GPR39: variants seen among roughly 807,000 people sequenced by gnomAD.
GPR39 encodes G protein-coupled receptor 39.
GPR39 carries 23 observed loss-of-function variants against 18.4 expected under a neutral mutation model. The observed-to-expected ratio is 1.25, with a 90% CI of 0.90 to 1.77. GPR39 has a LOEUF of 1.77. Ranked by LOEUF, GPR39 falls within the 40% of genes most tolerant of loss-of-function variation. The probability of loss-of-function intolerance (pLI) is 0.00; values close to 1 mark genes in which losing one functional copy is unlikely to be tolerated. For synonymous variants in GPR39, 280 were observed against 257.9 expected (o/e 1.09, Z -0.82); for missense variants, 647 against 602.4 (o/e 1.07, Z -0.78).
chr2:132,467,219 G>T (rs1297352687), intron 1 of GPR39, among the ~76,000 whole-genome samples: 1 of 152,326 alleles, frequency 6.6e-6, no homozygotes, highest in Admixed American at 6.5e-5. Flanking sequence ...GGACCTAGCA[G>T]AGCACTGGCT....
chr2:132,582,772 C>A (rs73955704), intron 1 of GPR39, among the ~76,000 whole-genome samples: 1,986 of 152,270 alleles, frequency 0.013, 50 homozygotes, highest in African/African-American at 0.045. Context: ...TCCTTCCAAC[C>A]CCTTTTTTAC....
chr2:132,547,526 A>G (rs985333387), intron 1 of GPR39, among the ~76,000 whole-genome samples: 2 of 152,204 alleles, frequency 1.3e-5, no homozygotes, highest in African/African-American at 2.4e-5. Context: ...AATTTTCTTT[A>G]ATCTTTCGGC....
intron 1 of GPR39, among the ~76,000 whole-genome samples, chr2:132,462,045 C>G (rs1680842235): frequency 6.6e-6 from 1 of 152,198 alleles, no homozygotes; most frequent in Non-Finnish European, 1.5e-5. Context: ...AAATTCATCT[C>G]CATGACTGTT....
chr2:132,451,094 T>C (rs575284777), intron 1 of GPR39, among the ~76,000 whole-genome samples: 1 of 152,032 alleles, frequency 6.6e-6, no homozygotes, highest in African/African-American at 2.4e-5. Flanking sequence ...TTTTTTAGCA[T>C]GGGGCTGTGG....
Position 132,547,450 on chromosome 2 carries a change from C to T in GPR39, c.857-97651C>T, listed in dbSNP as rs189867601. Among the ~76,000 whole-genome samples the T allele has an allele frequency of 5.2e-4, 79 of 152,268 alleles. 2 individuals are homozygous for T. The East Asian group carries it at 0.013, about 25-fold the overall frequency. On this transcript the variant is annotated intron_variant, in intron 1 of 1. Transcript: ENST00000329321. ...ACACCCACCATTTCCCCAACAGTCACACCTTTTATTTTTCTCAATATACTG... is the reference window on the plus strand; with the variant it reads ...ACACCCACCATTTCCCCAACAGTCATACCTTTTATTTTTCTCAATATACTG...
chr2:132,627,338 T>C (rs1051506647), intron 1 of GPR39, among the ~76,000 whole-genome samples: 1 of 152,190 alleles, frequency 6.6e-6, no homozygotes, highest in Admixed American at 6.6e-5. Context: ...GCATGAAAAC[T>C]GCTGTCTACT....
chr2:132,483,142 A>T (rs1000472720), intron 1 of GPR39, among the ~76,000 whole-genome samples: 17 of 152,182 alleles, frequency 1.1e-4, no homozygotes, highest in Non-Finnish European at 1.6e-4. Context: ...ATACCACCAT[A>T]TAGGGTTGTA....
At chr2:132,619,777 A>G (rs1681401866) in intron 1 of GPR39, among the ~76,000 whole-genome samples, 1 of 151,868 alleles carries the variant, frequency 6.6e-6, no homozygotes, top group Non-Finnish European at 1.5e-5. Flanking sequence ...CTTGGGGCTC[A>G]GCAACCTTTT....
chr2:132,557,807 A>G (rs1398101408), intron 1 of GPR39, among the ~76,000 whole-genome samples: 1 of 152,176 alleles, frequency 6.6e-6, no homozygotes, highest in East Asian at 1.9e-4. Context: ...ACATGAATTT[A>G]CAAGAGGATG....
chr2:132,543,749 G>C (rs1289682173), intron 1 of GPR39, among the ~76,000 whole-genome samples: 1 of 152,100 alleles, frequency 6.6e-6, no homozygotes, highest in East Asian at 1.9e-4. Flanking sequence ...ACTGAACTGG[G>C]GTCTCCTCAC....
At chr2:132,624,254 A>G (rs1160481534) in intron 1 of GPR39, among the ~76,000 whole-genome samples, 1 of 152,034 alleles carries the variant, frequency 6.6e-6, no homozygotes, top group Non-Finnish European at 1.5e-5. Flanking sequence ...TCTGTGTCCA[A>G]ATTTCCTCTT....
At chr2:132,447,585 G>T (rs1376671173) in intron 1 of GPR39, among the ~76,000 whole-genome samples, 1 of 152,124 alleles carries the variant, frequency 6.6e-6, no homozygotes, top group Non-Finnish European at 1.5e-5. Flanking sequence ...ATGTGTATTG[G>T]GTGCCTGCTC....
chr2:132,618,364 G>A (rs1228100720), intron 1 of GPR39, among the ~76,000 whole-genome samples: 1 of 152,132 alleles, frequency 6.6e-6, no homozygotes, highest in Non-Finnish European at 1.5e-5. Flanking sequence ...AATTTCAGGG[G>A]CTATATTATA....
chr2:132,561,000 G>T (rs536118397), intron 1 of GPR39, among the ~76,000 whole-genome samples: 1 of 148,964 alleles, frequency 6.7e-6, no homozygotes, highest in South Asian at 2.1e-4. Context: ...TGCAACCTCT[G>T]CCTCCAAGGC....
At chr2:132,459,472 T>A (rs1680793299) in intron 1 of GPR39, among the ~76,000 whole-genome samples, 2 of 152,206 alleles carry the variant, frequency 1.3e-5, no homozygotes, top group African/African-American at 2.4e-5. Flanking sequence ...CATGCCTGAA[T>A]CCTCATTGTG....
In GPR39 at chr2:132,580,987, C is replaced by A. The variant is rs537861759; in HGVS notation, c.857-64114C>A. On this transcript the variant is annotated intron_variant, in intron 1 of 1. Transcript: ENST00000329321. The stretch of plus-strand genomic sequence containing the variant: ...AAAAAAAAAAACAAAAAAAAAAACA[C>A]CAAAAAAAAACAACAAAAAAACTGC... Among the ~76,000 whole-genome samples the A allele has an allele frequency of 2.9e-4, 40 of 137,046 alleles. No homozygotes were observed. In the East Asian group the frequency reaches 4.3e-3, roughly 15 times the overall value. 89.9% of individuals were successfully genotyped at this position (137,046 alleles called of 152,430 possible). A position where few individuals can be genotyped will look rare whatever the true frequency, so the allele number is the denominator to read the frequency against.
At chr2:132,471,923 G>C (rs2104783667) in intron 1 of GPR39, among the ~76,000 whole-genome samples, 1 of 152,276 alleles carries the variant, frequency 6.6e-6, no homozygotes, top group East Asian at 1.9e-4. Context: ...AGTCCGCAAT[G>C]TGTATCAACT....
chr2:132,533,508 A>G (rs1326740301), intron 1 of GPR39, among the ~76,000 whole-genome samples: 1 of 146,860 alleles, frequency 6.8e-6, no homozygotes, highest in Non-Finnish European at 1.5e-5. Flanking sequence ...TAAAGTTCAT[A>G]TGGAACCAAA....
At chr2:132,447,675 T>C (rs1046431162) in intron 1 of GPR39, among the ~76,000 whole-genome samples, 1 of 151,616 alleles carries the variant, frequency 6.6e-6, no homozygotes, top group Admixed American at 6.6e-5. Flanking sequence ...AAAATATTTG[T>C]TTTTTAGCAA....
Sources: gnomAD v4.1 joint callset for allele counts (sites outside exome capture counted in the v4.1 genomes callset) on GRCh38, gnomAD v4.1.1 for gene constraint, MANE v1.5 for transcripts, NCBI Gene and HGNC (gene_info 2026-07-23, HGNC 2026-07-21) for gene names.